Variants in KSR1 observed in about 807,000 individuals in gnomAD.
KSR1 encodes the protein kinase suppressor of ras.
In KSR1, 35 loss-of-function variants were observed where a neutral mutation model predicts 92.9. The observed-to-expected ratio is 0.38, with a 90% confidence interval of 0.29 to 0.50. KSR1 has a LOEUF of 0.50. Among genes scored for constraint, KSR1 ranks in the 20% least tolerant of loss-of-function variants. KSR1 has a pLI of 0.94. For missense variants in KSR1, 972 were observed against 1,158.5 expected (o/e 0.84, Z 2.34); for synonymous variants, 467 against 472.6 (o/e 0.99, Z 0.15).
intron 1 of KSR1, among the ~76,000 whole-genome samples, chr17:27,508,846 C>T (rs1186374742): frequency 6.6e-6 from 1 of 152,004 alleles, no homozygotes; most frequent in Non-Finnish European, 1.5e-5. Flanking sequence ...TCTCCTGCCT[C>T]AGCCACCCAA....
At chr17:27,546,577 G>A (rs988422371) in intron 1 of KSR1, among the ~76,000 whole-genome samples, 4 of 152,126 alleles carry the variant, frequency 2.6e-5, no homozygotes, top group South Asian at 4.1e-4. Flanking sequence ...GGGGAGAGGC[G>A]GACTCTGACT....
intron 1 of KSR1, among the ~76,000 whole-genome samples, chr17:27,523,258 GT>G (rs2070115236): frequency 6.6e-6 from 1 of 152,068 alleles, no homozygotes; most frequent in Non-Finnish European, 1.5e-5. Context: ...ATAAATGACG[GT>G]TTACACAGTG....
intron 1 of KSR1, among the ~76,000 whole-genome samples, chr17:27,528,156 A>G (rs1466391915): frequency 6.6e-6 from 1 of 152,104 alleles, no homozygotes; most frequent in Non-Finnish European, 1.5e-5. Flanking sequence ...ACCTCTGCCT[A>G]CTGGGGTTCA....
intron 1 of KSR1, chr17:27,526,510 C>T: frequency 6.2e-7 from 1 of 1,604,436 alleles, no homozygotes; most frequent in South Asian, 1.1e-5. Context: ...CTGTGTTCCT[C>T]CTCTGCCATC....
intron 1 of KSR1, chr17:27,471,991 C>G (rs896108848): frequency 3.3e-5 from 5 of 152,182 alleles, no homozygotes; most frequent in African/African-American, 1.2e-4. Flanking sequence ...CCTGGCAGTC[C>G]CGGCCTGCTT....
At chr17:27,505,291 C>T (rs2069337968) in intron 1 of KSR1, among the ~76,000 whole-genome samples, 1 of 152,202 alleles carries the variant, frequency 6.6e-6, no homozygotes, top group Non-Finnish European at 1.5e-5. Context: ...CTCTACAGTG[C>T]AACCCGTTTG....
At chr17:27,615,274 A>AG (rs1325077240) in intron 18 of KSR1, among the ~76,000 whole-genome samples, 1 of 152,218 alleles carries the variant, frequency 6.6e-6, no homozygotes, top group East Asian at 1.9e-4. Flanking sequence ...CTGTTGATGG[A>AG]GGCTGAAAGT....
intron 1 of KSR1, among the ~76,000 whole-genome samples, chr17:27,517,186 T>C (rs1460098099): frequency 6.6e-6 from 1 of 152,184 alleles, no homozygotes; most frequent in African/African-American, 2.4e-5. Context: ...ATGGGAAACA[T>C]TTGTCGTCTA....
chr17:27,509,259 C>G (rs2069506006), intron 1 of KSR1, among the ~76,000 whole-genome samples: 2 of 151,980 alleles, frequency 1.3e-5, no homozygotes, highest in South Asian at 4.2e-4. Flanking sequence ...GCCTGTAATC[C>G]TAGCACTTTG....
chr17:27,540,073 A>G (rs1276176182), intron 1 of KSR1, among the ~76,000 whole-genome samples: 1 of 152,220 alleles, frequency 6.6e-6, no homozygotes, highest in Non-Finnish European at 1.5e-5. Context: ...GTGCTTTTAA[A>G]CCATAGTTGA....
chr17:27,490,892 CAG>C (rs752247834), intron 1 of KSR1, among the ~76,000 whole-genome samples: 7 of 152,080 alleles, frequency 4.6e-5, no homozygotes, highest in South Asian at 2.1e-4. Context: ...TGTCCAGTAA[CAG>C]GGGAAAGGCT....
At chr17:27,511,289 A>G (rs1450795378) in intron 1 of KSR1, among the ~76,000 whole-genome samples, 1 of 152,238 alleles carries the variant, frequency 6.6e-6, no homozygotes, top group Non-Finnish European at 1.5e-5. Context: ...TCTCAGAGCC[A>G]GAAGCCTCTT....
chr17:27,524,263 A>G (rs1204182829), intron 1 of KSR1, among the ~76,000 whole-genome samples: 3 of 152,048 alleles, frequency 2.0e-5, no homozygotes, highest in Non-Finnish European at 4.4e-5. Flanking sequence ...AGTGAGGTCA[A>G]GCAGGATGAG....
At chr17:27,595,969 G>A (rs1454443128) in intron 9 of KSR1, among the ~76,000 whole-genome samples, 4 of 152,182 alleles carry the variant, frequency 2.6e-5, no homozygotes, top group African/African-American at 4.8e-5. Context: ...ATGGTGGCAC[G>A]TAGCGTGGAT....
At chr17:27,510,072 G>A (rs1398151130) in intron 1 of KSR1, among the ~76,000 whole-genome samples, 3 of 152,194 alleles carry the variant, frequency 2.0e-5, no homozygotes, top group Admixed American at 2.0e-4. Context: ...CTTGGGAACT[G>A]GGGAATCTCT....
chr17:27,534,482 A>T (rs1266167970), intron 1 of KSR1, among the ~76,000 whole-genome samples: 1 of 152,210 alleles, frequency 6.6e-6, no homozygotes, highest in Non-Finnish European at 1.5e-5. Flanking sequence ...CATTTTGCAG[A>T]TAAGGAAACT....
chr17:27,487,124 T>A (rs2068688296), intron 1 of KSR1, among the ~76,000 whole-genome samples: 1 of 152,162 alleles, frequency 6.6e-6, no homozygotes, highest in South Asian at 2.1e-4. Flanking sequence ...TACCTAAGAC[T>A]GGGTAGTTTA....
chr17:27,603,810 G>C (rs922281784), intron 11 of KSR1, 24 bp from the exon 12 acceptor site: 12 of 1,613,426 alleles, frequency 7.4e-6, no homozygotes, highest in African/African-American at 2.7e-5. Flanking sequence ...CTCATGCTTT[G>C]TGTTTGGTTT....
At chr17:27,541,175 T>C (rs548534180) in intron 1 of KSR1, among the ~76,000 whole-genome samples, 32 of 152,322 alleles carry the variant, frequency 2.1e-4, no homozygotes, top group African/African-American at 6.3e-4. Context: ...TGCTGCCTAC[T>C]GAGGAGAAAG....
Sources: gnomAD v4.1 joint callset for allele counts (sites outside exome capture counted in the v4.1 genomes callset) on GRCh38, gnomAD v4.1.1 for gene constraint, MANE v1.5 for transcripts, NCBI Gene and HGNC (gene_info 2026-07-23, HGNC 2026-07-21) for gene names.